Variants in GLRA2 observed in about 807,000 individuals in gnomAD.
The protein encoded by GLRA2 is glycine receptor subunit alpha-2.
Under a neutral mutation model 31.6 loss-of-function variants are expected in GLRA2, and 11 were observed. That is an observed-to-expected ratio of 0.35 (90% CI 0.22 to 0.58). The LOEUF (loss-of-function observed/expected upper bound fraction) is 0.58, where lower values mean the gene tolerates loss of function less well. Among genes scored for constraint, GLRA2 ranks in the 20% least tolerant of loss-of-function variants. The pLI, the probability that GLRA2 is intolerant of heterozygous loss-of-function variation, is 0.84. For missense variants in GLRA2, 212 were observed against 351.8 expected, an observed-to-expected ratio of 0.60 and a Z score of 3.18; for synonymous variants, 132 against 134.0, an observed-to-expected ratio of 0.99 and a Z score of 0.10.
At chrX:14,594,678 T>C (rs1419554256) in intron 4 of GLRA2, among the ~76,000 whole-genome samples, 3 of 112,056 alleles carry the variant, frequency 2.7e-5, no homozygotes, top group East Asian at 2.8e-4. Flanking sequence ...CCAATCCACA[T>C]TTGGACTTAA....
At chrX:14,494,164 C>G in the GLRA2 span, among the ~76,000 whole-genome samples, 2 of 110,911 alleles carry the variant, frequency 1.8e-5, no homozygotes, top group Non-Finnish European at 3.8e-5. Context: ...CAGCATTTAC[C>G]CTTGGCAGGC....
chrX:14,582,746 G>A, intron 4 of GLRA2, among the ~76,000 whole-genome samples: 1 of 111,865 alleles, frequency 8.9e-6, no homozygotes. Context: ...TAATGTAGTG[G>A]TCAGCAAATA....
chrX:14,459,688 G>T, the GLRA2 span, among the ~76,000 whole-genome samples: 1 of 111,748 alleles, frequency 8.9e-6, no homozygotes, highest in East Asian at 2.8e-4. Flanking sequence ...TGTTATTGGT[G>T]TATAGGAATG....
intron 7 of GLRA2, among the ~76,000 whole-genome samples, chrX:14,646,614 T>C (rs1411265085): frequency 8.9e-6 from 1 of 111,850 alleles, no homozygotes; most frequent in Non-Finnish European, 1.9e-5. Flanking sequence ...TTTCTTGTGA[T>C]AGGAAGTCAG....
intron 7 of GLRA2, among the ~76,000 whole-genome samples, chrX:14,664,264 C>T: frequency 8.9e-6 from 1 of 111,902 alleles, no homozygotes; most frequent in African/African-American, 3.2e-5. Flanking sequence ...GAAATTCATG[C>T]TTTCCCCAGA....
chrX:14,491,101 T>C, the GLRA2 span, among the ~76,000 whole-genome samples: 1 of 112,087 alleles, frequency 8.9e-6, no homozygotes, highest in Admixed American at 9.5e-5. Flanking sequence ...CCTGCTATTA[T>C]GGTCAGAAAA....
rs746628623 is a variant in GLRA2, at chrX:14,731,353, T to C, written c.*868T>C. 2.7e-5 allele frequency: 3 copies of C among 112,198 alleles called. No homozygotes were observed. In the East Asian group the frequency reaches 8.4e-4, roughly 31 times the overall value. 9.2% of individuals were successfully genotyped at this position (112,198 alleles called of 1,213,427 possible). A position where few individuals can be genotyped will look rare whatever the true frequency, so the allele number is the denominator to read the frequency against. ...TATATATATATTTTTGCTTTGGCTA[T>C]ATTTACACGTGACTTTAATCGCCCA... On this transcript the variant is annotated 3_prime_UTR_variant, in exon 9 of 9. Transcript: ENST00000218075.
chrX:14,551,553 A>G (rs1195753247), intron 2 of GLRA2, among the ~76,000 whole-genome samples: 1 of 111,565 alleles, frequency 9.0e-6, no homozygotes, highest in Admixed American at 9.5e-5. Context: ...TCCATGGGCT[A>G]CACATTACAT....
intron 7 of GLRA2, among the ~76,000 whole-genome samples, chrX:14,661,670 G>A (rs1256474771): frequency 3.6e-5 from 4 of 110,089 alleles, no homozygotes; most frequent in African/African-American, 1.3e-4. Context: ...TCAGGAGTTC[G>A]AAACCAGCCT....
At chrX:14,633,913 A>G (rs1378249392) in intron 7 of GLRA2, among the ~76,000 whole-genome samples, 1 of 111,736 alleles carries the variant, frequency 8.9e-6, no homozygotes, top group Non-Finnish European at 1.9e-5. Flanking sequence ...CATGGGGATT[A>G]CAATTCAGAT....
At chrX:14,466,154 C>T in the GLRA2 span, among the ~76,000 whole-genome samples, 1 of 111,628 alleles carries the variant, frequency 9.0e-6, no homozygotes, top group African/African-American at 3.3e-5. Context: ...TTAAGTAAGG[C>T]AGAATCCCCA....
chrX:14,690,653 CTT>C, intron 7 of GLRA2, 55 bp from the exon 8 acceptor site: 2 of 870,745 alleles, frequency 2.3e-6, no homozygotes, highest in South Asian at 2.2e-5. Flanking sequence ...CTTTCATAGT[CTT>C]TCTTTCTCTC....
At chrX:14,726,040 A>G (rs1466157401) in intron 8 of GLRA2, among the ~76,000 whole-genome samples, 1 of 112,311 alleles carries the variant, frequency 8.9e-6, no homozygotes, top group African/African-American at 3.2e-5. Flanking sequence ...TTTCTGGCTA[A>G]TCAGAAGAAA....
chrX:14,476,257 C>T, the GLRA2 span, among the ~76,000 whole-genome samples: 2 of 112,094 alleles, frequency 1.8e-5, no homozygotes, highest in Non-Finnish European at 3.8e-5. Flanking sequence ...ACCATATTTA[C>T]TCCATTTCCT....
intron 7 of GLRA2, among the ~76,000 whole-genome samples, chrX:14,621,932 G>A (rs78487009): frequency 0.059 from 6,621 of 111,631 alleles, 220 homozygotes; most frequent in Admixed American, 0.11. Context: ...TTGAGGAATC[G>A]CCACACTGTC....
chrX:14,595,767 G>C (rs187634513), intron 4 of GLRA2, among the ~76,000 whole-genome samples: 2 of 111,756 alleles, frequency 1.8e-5, no homozygotes, highest in African/African-American at 6.5e-5. Flanking sequence ...TCCTTTACTT[G>C]ATTCTGTTCA....
intron 2 of GLRA2, among the ~76,000 whole-genome samples, chrX:14,568,783 A>G (rs777120242): frequency 1.8e-5 from 2 of 111,321 alleles, no homozygotes; most frequent in South Asian, 7.6e-4. Flanking sequence ...GACCTCTCTC[A>G]TACCATATAC....
At chrX:14,579,549 C>T (rs931125360) in intron 3 of GLRA2, among the ~76,000 whole-genome samples, 1 of 111,295 alleles carries the variant, frequency 9.0e-6, no homozygotes. Flanking sequence ...AGGCTGGTCT[C>T]GAACACCTGA....
At chrX:14,549,388 G>T (rs2089525009) in intron 2 of GLRA2, among the ~76,000 whole-genome samples, 1 of 111,665 alleles carries the variant, frequency 9.0e-6, no homozygotes, top group Admixed American at 9.5e-5. Flanking sequence ...AGGTTTTTAA[G>T]CAGAAGAGGA....
Sources: gnomAD v4.1 joint callset for allele counts (sites outside exome capture counted in the v4.1 genomes callset) on GRCh38, gnomAD v4.1.1 for gene constraint, MANE v1.5 for transcripts, NCBI Gene and HGNC (gene_info 2026-07-23, HGNC 2026-07-21) for gene names.